The following MNAT1 variants were observed in gnomAD, a reference collection of about 807,000 sequenced individuals.
MNAT1 encodes CDK-activating kinase assembly factor MAT1.
MNAT1 carries 43 observed loss-of-function variants against 42.0 expected under a neutral mutation model. The ratio of observed to expected loss-of-function variants is 1.02; its 90% CI spans 0.80 to 1.32. The LOEUF is 1.32. MNAT1 is among the 40% of genes most tolerant of loss of function. MNAT1 has a pLI of 0.00. For synonymous variants in MNAT1, 118 were observed against 120.0 expected, an observed-to-expected ratio of 0.98 and a Z score of 0.11; for missense variants, 306 against 350.4, an observed-to-expected ratio of 0.87 and a Z score of 1.01.
chr14:60,792,786 G>C (rs1413712762), intron 1 of MNAT1, among the ~76,000 whole-genome samples: 1 of 152,136 alleles, frequency 6.6e-6, no homozygotes, highest in Non-Finnish European at 1.5e-5. Context: ...AGAGAAAAAG[G>C]ATGTCATTCT....
chr14:60,775,204 A>G (rs1322623929), intron 1 of MNAT1, among the ~76,000 whole-genome samples: 1 of 152,204 alleles, frequency 6.6e-6, no homozygotes, highest in South Asian at 2.1e-4. Flanking sequence ...TAGAGAATAA[A>G]GTGTTCCCAG....
chr14:60,757,198 G>C (rs1258229660), intron 1 of MNAT1, among the ~76,000 whole-genome samples: 2 of 152,118 alleles, frequency 1.3e-5, no homozygotes, highest in Non-Finnish European at 2.9e-5. Flanking sequence ...AATTTATTTT[G>C]TGGAATCTGG....
chr14:60,782,920 T>C (rs2031515112), intron 1 of MNAT1, among the ~76,000 whole-genome samples: 3 of 152,244 alleles, frequency 2.0e-5, no homozygotes, highest in Non-Finnish European at 4.4e-5. Flanking sequence ...TGTTGTTTTA[T>C]GGGTGTGTTC....
rs563976549 is a variant in MNAT1, at chr14:60,962,740, T to C, written c.810-5489T>C. 1.9e-3 allele frequency among the ~76,000 whole-genome samples: 293 copies of C among 152,350 alleles called. 1 individual carries two copies. Among genetic ancestry groups the C allele is most frequent in the African/African-American group, 6.4e-3 (268 of 41,584 alleles). ...GTAATAATAAAGCATTGTGTTCATT[T>C]GGAAACCATGTGTCTTTTAATTTCC... On this transcript the variant is annotated intron_variant, in intron 7 of 7. Transcript: ENST00000261245.
intron 1 of MNAT1, among the ~76,000 whole-genome samples, chr14:60,742,605 A>C (rs1184515962): frequency 3.9e-5 from 6 of 152,188 alleles, no homozygotes; most frequent in Non-Finnish European, 7.3e-5. Flanking sequence ...AGAGATGTAC[A>C]TATTACCCCA....
At chr14:60,957,436 G>T (rs2036506139) in intron 7 of MNAT1, among the ~76,000 whole-genome samples, 1 of 152,108 alleles carries the variant, frequency 6.6e-6, no homozygotes, top group African/African-American at 2.4e-5. Context: ...AAAGCATGTG[G>T]CAGGGGAACT....
chr14:60,828,607 A>G (rs988164531), intron 6 of MNAT1, among the ~76,000 whole-genome samples: 1 of 151,428 alleles, frequency 6.6e-6, no homozygotes, highest in Non-Finnish European at 1.5e-5. Context: ...CACCAATAGG[A>G]TTTCCTACAG....
intron 6 of MNAT1, among the ~76,000 whole-genome samples, chr14:60,851,691 T>A (rs987314339): frequency 6.6e-6 from 1 of 152,138 alleles, no homozygotes; most frequent in African/African-American, 2.4e-5. Flanking sequence ...CTTAATGCTC[T>A]CCTTCCCCTT....
At chr14:60,948,758 A>G (rs891726110) in intron 7 of MNAT1, among the ~76,000 whole-genome samples, 7 of 152,350 alleles carry the variant, frequency 4.6e-5, no homozygotes, top group African/African-American at 1.7e-4. Flanking sequence ...GTTGGTACAT[A>G]GTAAGTGTTC....
intron 7 of MNAT1, among the ~76,000 whole-genome samples, chr14:60,957,957 C>G (rs577412886): frequency 4.0e-4 from 61 of 152,238 alleles, no homozygotes; most frequent in African/African-American, 1.4e-3. Flanking sequence ...CCTGCCCCAA[C>G]CTCCCGAGTA....
intron 1 of MNAT1, among the ~76,000 whole-genome samples, chr14:60,754,758 A>G (rs2030265428): frequency 6.6e-6 from 1 of 152,200 alleles, no homozygotes; most frequent in East Asian, 1.9e-4. Flanking sequence ...TCAAGGGGGA[A>G]TCTAGTAGTA....
At chr14:60,774,756 G>A in intron 1 of MNAT1, among the ~76,000 whole-genome samples, 1 of 152,186 alleles carries the variant, frequency 6.6e-6, no homozygotes, top group Non-Finnish European at 1.5e-5. Context: ...TAATTAGGAA[G>A]TGGAAAAATC....
chr14:60,914,478 A>G (rs1010652768), intron 7 of MNAT1, among the ~76,000 whole-genome samples: 2 of 152,126 alleles, frequency 1.3e-5, no homozygotes, highest in South Asian at 2.1e-4. Context: ...CCAGCTTTGA[A>G]TGGTGTGTCT....
intron 3 of MNAT1, among the ~76,000 whole-genome samples, chr14:60,801,569 A>G (rs753079677): frequency 6.6e-5 from 10 of 152,216 alleles, no homozygotes; most frequent in Non-Finnish European, 1.5e-5. Context: ...TACGTATGGT[A>G]TATGAAAATG....
intron 7 of MNAT1, among the ~76,000 whole-genome samples, chr14:60,954,855 TTA>T (rs990464266): frequency 1.3e-5 from 2 of 152,196 alleles, no homozygotes; most frequent in East Asian, 1.9e-4. Flanking sequence ...CTATCGTATT[TTA>T]TATATATATG....
At chr14:60,796,479 T>A in intron 2 of MNAT1, 110 bp downstream of exon 2, 1 of 985,762 alleles carries the variant, frequency 1.0e-6, no homozygotes, top group Non-Finnish European at 1.5e-6. Flanking sequence ...AGTAAATAAC[T>A]ATAAATTCAT....
At chr14:60,920,672 A>G (rs2035639379) in intron 7 of MNAT1, among the ~76,000 whole-genome samples, 1 of 152,030 alleles carries the variant, frequency 6.6e-6, no homozygotes, top group African/African-American at 2.4e-5. Flanking sequence ...CGAACTCCTG[A>G]CCTCAAGTGA....
intron 6 of MNAT1, among the ~76,000 whole-genome samples, chr14:60,856,290 G>C (rs756761768): frequency 1.9e-4 from 29 of 152,332 alleles, no homozygotes; most frequent in Middle Eastern, 3.4e-3. Context: ...TATGGAGAAA[G>C]TTTCAGTGGT....
intron 7 of MNAT1, among the ~76,000 whole-genome samples, chr14:60,960,981 A>G (rs1314136277): frequency 6.6e-6 from 1 of 150,532 alleles, no homozygotes; most frequent in African/African-American, 2.4e-5. Context: ...TCTTTTTTTG[A>G]GACGGAGTGT....
Sources: gnomAD v4.1 joint callset for allele counts (sites outside exome capture counted in the v4.1 genomes callset) on GRCh38, gnomAD v4.1.1 for gene constraint, MANE v1.5 for transcripts, NCBI Gene and HGNC (gene_info 2026-07-23, HGNC 2026-07-21) for gene names.